LRGUK: variants seen among roughly 807,000 people sequenced by gnomAD.
The protein encoded by LRGUK is leucine rich repeats and guanylate kinase domain containing, also known as leucine-rich repeat and guanylate kinase domain-containing protein.
In LRGUK, 65 loss-of-function variants were observed where a neutral mutation model predicts 76.0. That is an observed-to-expected ratio of 0.85 (90% confidence interval 0.70 to 1.05). The LOEUF (loss-of-function observed/expected upper bound fraction) is 1.05, where lower values mean the gene tolerates loss of function less well. Among genes scored for constraint, LRGUK ranks in the 50% least tolerant of loss-of-function variants. The pLI is 0.00. For missense variants in LRGUK, 758 were observed against 732.8 expected, an observed-to-expected ratio of 1.03 and a Z score of -0.40; for synonymous variants, 268 against 265.6, an observed-to-expected ratio of 1.01 and a Z score of -0.09.
intron 9 of LRGUK, among the ~76,000 whole-genome samples, chr7:134,178,143 A>T (rs371004476): frequency 5.3e-4 from 81 of 152,288 alleles, no homozygotes; most frequent in African/African-American, 1.9e-3. Flanking sequence ...ACATATTAAA[A>T]GTTGGAATGT....
intron 1 of LRGUK, among the ~76,000 whole-genome samples, chr7:134,133,653 C>T (rs1797401964): frequency 6.6e-6 from 1 of 152,114 alleles, no homozygotes. Flanking sequence ...GAACATGACA[C>T]AGTCCTGCCT....
At chr7:134,258,388 C>A in exon 19 of LRGUK, 1 of 1,613,858 alleles carries the variant, frequency 6.2e-7, no homozygotes. Context: ...GACAGTGAGA[C>A]CGAAGAGACC....
At chr7:134,260,199 T>C (rs1802686462) in intron 19 of LRGUK, among the ~76,000 whole-genome samples, 1 of 151,958 alleles carries the variant, frequency 6.6e-6, no homozygotes, top group African/African-American at 2.4e-5. Flanking sequence ...CTATATATGA[T>C]TGTAACATAT....
At chr7:134,128,840 G>A (rs188298430) in intron 1 of LRGUK, among the ~76,000 whole-genome samples, 27 of 152,058 alleles carry the variant, frequency 1.8e-4, no homozygotes, top group Non-Finnish European at 2.9e-4. Context: ...GTGAGCCACC[G>A]CACCCGGCCT....
intron 15 of LRGUK, among the ~76,000 whole-genome samples, chr7:134,218,150 T>C (rs1801485220): frequency 6.6e-6 from 1 of 152,124 alleles, no homozygotes; most frequent in Admixed American, 6.5e-5. Context: ...TTAGTAGAGA[T>C]GGGGTTTTGC....
At chr7:134,252,783 G>A (rs57570490) in intron 18 of LRGUK, among the ~76,000 whole-genome samples, 2,739 of 152,274 alleles carry the variant, frequency 0.018, 92 homozygotes, top group African/African-American at 0.064. Flanking sequence ...CACATTAGCT[G>A]TGTCACCCTC....
At chr7:134,222,345 C>T (rs772621311) in intron 16 of LRGUK, among the ~76,000 whole-genome samples, 4 of 152,182 alleles carry the variant, frequency 2.6e-5, no homozygotes, top group Non-Finnish European at 5.9e-5. Context: ...TTAAACCAGT[C>T]GCATCACTTA....
chr7:134,197,984 G>A (rs530200759), intron 13 of LRGUK, among the ~76,000 whole-genome samples: 96 of 152,152 alleles, frequency 6.3e-4, no homozygotes, highest in African/African-American at 2.2e-3. Context: ...GGCAAATCAG[G>A]TACATAATCC....
At chr7:134,254,196 T>A (rs543879319) in intron 18 of LRGUK, among the ~76,000 whole-genome samples, 1 of 152,202 alleles carries the variant, frequency 6.6e-6, no homozygotes, top group Non-Finnish European at 1.5e-5. Flanking sequence ...ATTTTTTAAA[T>A]GGTGCAAACA....
chr7:134,136,965 G>C, intron 1 of LRGUK, 58 bp from the exon 2 acceptor site: 1 of 1,338,450 alleles, frequency 7.5e-7, no homozygotes, highest in Non-Finnish European at 1.1e-6. Context: ...TGACAAGATA[G>C]ATTGTTTCTT....
At chr7:134,176,977 G>C in exon 9 of LRGUK, 2 of 1,575,146 alleles carry the variant, frequency 1.3e-6, no homozygotes, top group Non-Finnish European at 1.7e-6. Context: ...TTTTAAATAG[G>C]AAAAGTCTGA....
intron 16 of LRGUK, among the ~76,000 whole-genome samples, chr7:134,240,409 C>G (rs1002153167): frequency 2.0e-5 from 3 of 152,142 alleles, no homozygotes; most frequent in Non-Finnish European, 2.9e-5. Flanking sequence ...TATGCATGCA[C>G]AAGCTTCAGT....
chr7:134,246,046 A>T (rs1802292470), intron 16 of LRGUK, among the ~76,000 whole-genome samples: 1 of 152,186 alleles, frequency 6.6e-6, no homozygotes, highest in Non-Finnish European at 1.5e-5. Flanking sequence ...GATTTTGGTA[A>T]TCAAGTATCC....
chr7:134,205,326 C>T (rs1046022127), intron 15 of LRGUK, among the ~76,000 whole-genome samples: 2 of 152,070 alleles, frequency 1.3e-5, no homozygotes, highest in African/African-American at 2.4e-5. Flanking sequence ...GGAAAGTTCC[C>T]CAAGTCCCCA....
At chr7:134,151,764 T>C (rs1295271635) in intron 5 of LRGUK, among the ~76,000 whole-genome samples, 1 of 152,050 alleles carries the variant, frequency 6.6e-6, no homozygotes, top group Non-Finnish European at 1.5e-5. Flanking sequence ...ACTACATTAA[T>C]AGATTAAAGG....
At chr7:134,207,374 C>G (rs1296744866) in intron 15 of LRGUK, among the ~76,000 whole-genome samples, 1 of 152,170 alleles carries the variant, frequency 6.6e-6, no homozygotes, top group Non-Finnish European at 1.5e-5. Context: ...AGTTTGCCTA[C>G]TCTCGATATT....
chr7:134,163,587 G>A (rs1798850272), intron 7 of LRGUK, 47 bp downstream of exon 7: 2 of 1,541,854 alleles, frequency 1.3e-6, no homozygotes, highest in Non-Finnish European at 1.8e-6. Context: ...GACATAAGAG[G>A]ACATATTAGA....
intron 5 of LRGUK, among the ~76,000 whole-genome samples, chr7:134,157,455 A>G (rs1357282912): frequency 6.6e-6 from 1 of 152,250 alleles, no homozygotes; most frequent in African/African-American, 2.4e-5. Context: ...CCAATGAGGC[A>G]GCTATGAGCC....
Position 134,221,910 on chromosome 7 carries a change from AC to A in LRGUK, c.1976del (p.Thr659AsnfsTer19). On this transcript the variant is annotated frameshift_variant, in exon 16 of 20. Coordinates refer to the LRGUK transcript ENST00000285928. LOFTEE classifies it high-confidence loss of function. The stretch of plus-strand genomic sequence containing the variant: ...TTGGGCCAAACTTTCAGCCAAAAAA[AC>A]ACCAGCGGTAAGAGAGGAATAGAAG... 6.3e-7 allele frequency: 1 copy of A among 1,594,942 alleles called. No individual in the cohort carries two copies. The highest frequency in any genetic ancestry group is 8.5e-7 in the Non-Finnish European group (1 of 1,172,852).
Sources: allele counts gnomAD v4.1 joint callset (sites outside exome capture counted in the v4.1 genomes callset), GRCh38; gene constraint gnomAD v4.1.1; transcripts MANE v1.5; gene names NCBI Gene and HGNC (gene_info 2026-07-23, HGNC 2026-07-21).